MTOR: variants seen among roughly 807,000 people sequenced by gnomAD.
The protein encoded by MTOR is mechanistic target of rapamycin kinase, also known as serine/threonine-protein kinase mTOR.
Under a neutral mutation model 319.8 loss-of-function variants are expected in MTOR, and 70 were observed. That is an observed-to-expected ratio of 0.22 (90% CI 0.18 to 0.27). The LOEUF (loss-of-function observed/expected upper bound fraction) is 0.27. MTOR is among the 10% of genes least tolerant of loss of function. The pLI is 1.00. For missense variants in MTOR, 1,890 were observed against 3,274.4 expected, an observed-to-expected ratio of 0.58 and a Z score of 10.32; for synonymous variants, 1,183 against 1,211.4, an observed-to-expected ratio of 0.98 and a Z score of 0.49.
Position 11,243,339 on chromosome 1 carries a change from G to A in MTOR, c.1226-39C>T, listed in dbSNP as rs373653128. 5.0e-6 allele frequency: 8 copies of A among 1,588,756 alleles called. 1 individual carries two copies. The East Asian group carries it at 6.7e-5, about 13-fold the overall frequency. On this transcript the variant is annotated intron_variant, in intron 8 of 57. Coordinates refer to ENST00000361445, the MANE Select transcript of MTOR (RefSeq NM_004958.4). The stretch of plus-strand genomic sequence containing the variant: ...AGACAAAGTAGATAGCTCCAGGTCA[G>A]GGTTAGGGTCTACATATCAACAGTC...
At chr1:11,229,273 G>T (rs949661923) in intron 18 of MTOR, among the ~76,000 whole-genome samples, 2 of 152,124 alleles carry the variant, frequency 1.3e-5, no homozygotes, top group Non-Finnish European at 2.9e-5. Flanking sequence ...AAAGTAAAGG[G>T]AATTAAATTA....
In MTOR at chr1:11,109,548, G is replaced by C. The variant is rs1641749877; in HGVS notation, c.7447+101C>G. ...ATGGAACCTTTTCTGCTCAAAGGCA[G>C]TTTTGTTGCTTCATCTTGTTGACCC... On this transcript the variant is annotated intron_variant, in intron 55 of 57. Coordinates refer to ENST00000361445, the MANE Select transcript of MTOR (RefSeq NM_004958.4). The surrounding 1 kb of genome is among the most constrained non-coding windows in gnomAD (Gnocchi z 4.0). 1 of 1,319,400 alleles carries C rather than the reference G, an allele frequency of 7.6e-7. No homozygotes were observed. The highest frequency in any genetic ancestry group is 1.8e-5 in the Admixed American group (1 of 54,936). The allele number at this position is 1,319,400 out of a possible 1,614,324, so 81.7% of individuals were successfully genotyped here.
At chr1:11,204,437 TG>T in intron 26 of MTOR, 123 bp downstream of exon 26, 1 of 1,314,684 alleles carries the variant, frequency 7.6e-7, no homozygotes, top group Non-Finnish European at 1.0e-6. Flanking sequence ...TCTCTTTCTT[TG>T]TATCCCACAA....
chr1:11,162,429 G>C (rs1367450333), intron 29 of MTOR, among the ~76,000 whole-genome samples: 1 of 152,166 alleles, frequency 6.6e-6, no homozygotes, highest in Non-Finnish European at 1.5e-5. Context: ...AGGAAATACA[G>C]AGAAAGCCAC....
chr1:11,165,663 T>C (rs1342317918), intron 29 of MTOR, among the ~76,000 whole-genome samples: 37 of 151,940 alleles, frequency 2.4e-4, no homozygotes, highest in Non-Finnish European at 5.9e-5. Context: ...AAAATGGCCA[T>C]ACTGCCCAAG....
chr1:11,110,158 C>T (rs927153299), intron 54 of MTOR, among the ~76,000 whole-genome samples: 1 of 152,144 alleles, frequency 6.6e-6, no homozygotes, highest in Non-Finnish European at 1.5e-5. Context: ...AGCCTCGTGA[C>T]AAAATGTGTT....
At chr1:11,220,568 T>C (rs1646629865) in intron 19 of MTOR, among the ~76,000 whole-genome samples, 1 of 152,086 alleles carries the variant, frequency 6.6e-6, no homozygotes, top group Non-Finnish European at 1.5e-5. Flanking sequence ...GAAATATGTG[T>C]GGATGAATAT....
rs1642129757 is a variant in MTOR at position 11,115,705 on chromosome 1, G to A, written c.7017-237C>T. 1 of 486,098 alleles carries A rather than the reference G, an allele frequency of 2.1e-6. No homozygotes were observed. The highest frequency in any genetic ancestry group is 2.7e-5 in the South Asian group (1 of 36,394). The allele number at this position is 486,098 out of a possible 1,614,324, so 30.1% of individuals were successfully genotyped here. On this transcript the variant is annotated intron_variant, in intron 50 of 57. Transcript: ENST00000361445. The surrounding 1 kb of genome is among the most constrained non-coding windows in gnomAD (Gnocchi z 4.5). The stretch of plus-strand genomic sequence containing the variant: ...ACAGCAGAGCTGACTAGTTGTGACA[G>A]AGACCAAAGGGCCCACAAAGCCTAA...
chr1:11,108,397 TGAA>T, intron 56 of MTOR, 111 bp from the exon 57 acceptor site: 1 of 857,944 alleles, frequency 1.2e-6, no homozygotes, highest in South Asian at 1.5e-5. Flanking sequence ...GACATGAAGA[TGAA>T]GGATACCATC....
intron 28 of MTOR, among the ~76,000 whole-genome samples, chr1:11,173,074 C>A (rs1644875146): frequency 6.6e-6 from 1 of 151,502 alleles, no homozygotes; most frequent in African/African-American, 2.4e-5. Flanking sequence ...GCTCACTGCA[C>A]CCTCCGCTTC....
intron 57 of MTOR, 64 bp downstream of exon 57, chr1:11,108,117 T>G: frequency 7.5e-7 from 1 of 1,335,406 alleles, no homozygotes; most frequent in Non-Finnish European, 1.1e-6. Flanking sequence ...TACTCTGGCT[T>G]TGGGGCCTAG....
chr1:11,124,731 G>A (rs2100384520), intron 46 of MTOR, 98 bp from the exon 47 acceptor site: 1 of 1,312,014 alleles, frequency 7.6e-7, no homozygotes, highest in Non-Finnish European at 1.0e-6. Context: ...GACTACATAT[G>A]CCTTACCTAA....
intron 8 of MTOR, among the ~76,000 whole-genome samples, chr1:11,244,298 A>AAAAC (rs1648516501): frequency 6.9e-6 from 1 of 144,032 alleles, no homozygotes. Flanking sequence ...ATCTCATTTA[A>AAAAC]AAAAAAAAAA....
At chr1:11,206,668 T>C (rs916693811) in intron 25 of MTOR, among the ~76,000 whole-genome samples, 1 of 152,242 alleles carries the variant, frequency 6.6e-6, no homozygotes, top group Non-Finnish European at 1.5e-5. Context: ...GTCCCCCATG[T>C]GGCCCTTTCC....
Position 11,129,727 on chromosome 1 carries a change from T to C in MTOR, c.5714+11A>G, listed in dbSNP as rs774093317. 2 of 1,611,122 alleles carry C rather than the reference T, an allele frequency of 1.2e-6. No homozygotes were observed. The highest frequency in any genetic ancestry group is 1.3e-5 in the African/African-American group (1 of 74,892). On this transcript the variant is annotated intron_variant, in intron 40 of 57. Coordinates refer to ENST00000361445, the MANE Select transcript of MTOR (RefSeq NM_004958.4). The surrounding 1 kb of genome is among the most constrained non-coding windows in gnomAD (Gnocchi z 4.7). ...GGCCTACCAGAGTTGCATCCTTCCC[T>C]TCTCTGATACCTGAGTGTATCCTGG...
Position 11,175,271 on chromosome 1 carries a change from C to T in MTOR, c.4254-7754G>A, listed in dbSNP as rs921808055. On this transcript the variant is annotated intron_variant, in intron 28 of 57. Transcript: ENST00000361445. Reference sequence around the variant, plus strand: ...GCGTTAGGAAGACAACGAAGACAGGCGGAAAGGAGAACATGGTGAATCTGG... The same window carrying T: ...GCGTTAGGAAGACAACGAAGACAGGTGGAAAGGAGAACATGGTGAATCTGG... 4.6e-5 allele frequency among the ~76,000 whole-genome samples: 7 copies of T among 152,252 alleles called. No homozygotes were observed. In the South Asian group the frequency reaches 1.0e-3, roughly 23 times the overall value.
chr1:11,133,270 T>A lies in MTOR; in HGVS notation c.5247-73A>T. ...CCCTCCTAAGAGGACCACAAATTGT[T>A]AGGGGACACTGAAGCCCTTCTGGTA... is the stretch of plus-strand genomic sequence containing the variant. On this transcript the variant is annotated intron_variant, in intron 37 of 57. Coordinates refer to ENST00000361445, the MANE Select transcript of MTOR (RefSeq NM_004958.4). This position sits in a 1 kb window ranked among gnomAD's most constrained non-coding sequence, Gnocchi z 4.0. 3.9e-6 allele frequency: 5 copies of A among 1,274,678 alleles called. No homozygotes were observed. The highest frequency in any genetic ancestry group is 5.7e-6 in the Non-Finnish European group (5 of 877,000). 79.0% of individuals were successfully genotyped at this position (1,274,678 alleles called of 1,614,324 possible).
intron 54 of MTOR, among the ~76,000 whole-genome samples, chr1:11,110,142 G>A (rs919445870): frequency 2.6e-5 from 4 of 152,160 alleles, no homozygotes; most frequent in Admixed American, 2.0e-4. Flanking sequence ...ATAAGAACAG[G>A]TCAAAAGCCT....
chr1:11,122,576 T>C (rs147323179), intron 47 of MTOR, among the ~76,000 whole-genome samples: 8,436 of 149,656 alleles, frequency 0.056, 345 homozygotes, highest in South Asian at 0.12. Context: ...GTCACTATTT[T>C]GGTTCACTGC....
Sources: allele counts gnomAD v4.1 joint callset (sites outside exome capture counted in the v4.1 genomes callset), GRCh38; gene constraint gnomAD v4.1.1; non-coding constraint Gnocchi (gnomAD v3.1); transcripts MANE v1.5; gene names NCBI Gene and HGNC (gene_info 2026-07-23, HGNC 2026-07-21).